Variants in REDIC1 observed in about 807,000 individuals in gnomAD.
REDIC1 encodes HEI10 Interacting Protein 1.
chr12:39,708,806 A>G, the REDIC1 span, among the ~76,000 whole-genome samples: 2 of 151,866 alleles, frequency 1.3e-5, no homozygotes, highest in East Asian at 1.9e-4. Flanking sequence ...GAAGAATTAT[A>G]TGCCTCTTTG....
At chr12:39,659,947 A>C in the REDIC1 span, among the ~76,000 whole-genome samples, 2 of 152,168 alleles carry the variant, frequency 1.3e-5, no homozygotes. Context: ...GCTTGCTTTT[A>C]AATTTTGTCA....
the REDIC1 span, among the ~76,000 whole-genome samples, chr12:39,732,989 C>A: frequency 1.3e-5 from 2 of 151,684 alleles, no homozygotes; most frequent in Admixed American, 6.6e-5. Flanking sequence ...GGAGGTGATA[C>A]TTCAAGTCCA....
the REDIC1 span, among the ~76,000 whole-genome samples, chr12:39,813,091 T>G: frequency 5.2e-5 from 7 of 135,706 alleles, no homozygotes; most frequent in South Asian, 1.8e-3. Flanking sequence ...GTGATCCACC[T>G]ACCTCGGCCT....
chr12:39,877,034 T>C, the REDIC1 span, among the ~76,000 whole-genome samples: 1 of 152,190 alleles, frequency 6.6e-6, no homozygotes, highest in Non-Finnish European at 1.5e-5. Flanking sequence ...TATGCCAAAG[T>C]ACATTGACTA....
the REDIC1 span, among the ~76,000 whole-genome samples, chr12:39,653,219 A>G: frequency 6.6e-6 from 1 of 152,038 alleles, no homozygotes; most frequent in Non-Finnish European, 1.5e-5. Context: ...TCAATAATAT[A>G]TTATGGTTTT....
the REDIC1 span, among the ~76,000 whole-genome samples, chr12:39,708,783 T>A: frequency 1.3e-5 from 2 of 151,868 alleles, no homozygotes; most frequent in Admixed American, 6.6e-5. Flanking sequence ...TTTTTATAAA[T>A]GTTTAATTTC....
the REDIC1 span, chr12:39,684,834 C>A: frequency 1.3e-6 from 2 of 1,522,150 alleles, no homozygotes. Context: ...GGGAACACAA[C>A]AAACTTTGAT....
the REDIC1 span, among the ~76,000 whole-genome samples, chr12:39,727,434 C>G: frequency 2.0e-3 from 301 of 152,188 alleles, 1 homozygote; most frequent in African/African-American, 6.9e-3. Context: ...TTGTTTTTGT[C>G]AGGTTTGTCA....
the REDIC1 span, among the ~76,000 whole-genome samples, chr12:39,903,378 AT>A: frequency 6.6e-6 from 1 of 152,294 alleles, no homozygotes; most frequent in African/African-American, 2.4e-5. Flanking sequence ...CATAAAATTT[AT>A]CAGGTAAACT....
At chr12:39,756,726 C>T in the REDIC1 span, 1 of 151,604 alleles carries the variant, frequency 6.6e-6, no homozygotes, top group Non-Finnish European at 1.5e-5. Flanking sequence ...TTTTCCTGAT[C>T]ATTCTTCCCC....
chr12:39,813,775 G>T, the REDIC1 span, among the ~76,000 whole-genome samples: 1 of 152,238 alleles, frequency 6.6e-6, no homozygotes, highest in East Asian at 1.9e-4. Context: ...CTCAATGTGA[G>T]TTCCATTTGA....
At chr12:39,906,788 A>G in the REDIC1 span, among the ~76,000 whole-genome samples, 1 of 152,164 alleles carries the variant, frequency 6.6e-6, no homozygotes, top group Non-Finnish European at 1.5e-5. Context: ...ATTATTTTAA[A>G]TTGAACGTTG....
At chr12:39,694,893 A>G in the REDIC1 span, among the ~76,000 whole-genome samples, 1 of 152,140 alleles carries the variant, frequency 6.6e-6, no homozygotes, top group Non-Finnish European at 1.5e-5. Context: ...TTTATCTTAC[A>G]TCCTGGATAC....
the REDIC1 span, among the ~76,000 whole-genome samples, chr12:39,740,905 G>T: frequency 3.3e-5 from 5 of 152,054 alleles, no homozygotes; most frequent in African/African-American, 1.2e-4. Flanking sequence ...TATATTATCT[G>T]AATAAACCAT....
chr12:39,819,642 A>G, the REDIC1 span: 10 of 152,176 alleles, frequency 6.6e-5, no homozygotes, highest in African/African-American at 2.2e-4. Flanking sequence ...AGGAACATTC[A>G]TTTCTTTAAA....
chr12:39,783,823 AC>A, the REDIC1 span, among the ~76,000 whole-genome samples: 1 of 152,010 alleles, frequency 6.6e-6, no homozygotes, highest in Non-Finnish European at 1.5e-5. Context: ...TATTTAGAAA[AC>A]CCCATCGTCG....
chr12:39,713,943 C>G, the REDIC1 span, among the ~76,000 whole-genome samples: 1 of 146,528 alleles, frequency 6.8e-6, no homozygotes, highest in Non-Finnish European at 1.5e-5. Context: ...GTGCATATAC[C>G]TATATATACG....
chr12:39,766,104 C>T, the REDIC1 span, among the ~76,000 whole-genome samples: 1 of 152,112 alleles, frequency 6.6e-6, no homozygotes. Context: ...TTGAGCCTTC[C>T]TTTTCTGATC....
chr12:39,638,259 T>C, the REDIC1 span, among the ~76,000 whole-genome samples: 1 of 152,046 alleles, frequency 6.6e-6, no homozygotes. Flanking sequence ...GCAGTGCATC[T>C]GTTTTTGTAG....
Sources: gnomAD v4.1 joint callset for allele counts (sites outside exome capture counted in the v4.1 genomes callset) on GRCh38, gnomAD v4.1.1 for gene constraint, MANE v1.5 for transcripts, NCBI Gene and HGNC (gene_info 2026-07-23, HGNC 2026-07-21) for gene names.